The following GFRAL variants were observed in gnomAD, a reference collection of about 807,000 sequenced individuals.
GFRAL encodes GDNF family receptor alpha-like.
GFRAL carries 36 observed loss-of-function variants against 45.4 expected under a neutral mutation model. That is an observed-to-expected ratio of 0.79 (90% CI 0.61 to 1.05). GFRAL has a LOEUF of 1.05. GFRAL is among the 50% of genes least tolerant of loss of function. The pLI is 0.00. For missense variants in GFRAL, 507 were observed against 467.5 expected, an observed-to-expected ratio of 1.08 and a Z score of -0.78; for synonymous variants, 166 against 154.1, an observed-to-expected ratio of 1.08 and a Z score of -0.57.
chr6:55,340,570 G>A (rs1160806844), intron 3 of GFRAL, among the ~76,000 whole-genome samples: 1 of 152,182 alleles, frequency 6.6e-6, no homozygotes, highest in Non-Finnish European at 1.5e-5. Flanking sequence ...AATAGGAACA[G>A]CTCCAGTCTA....
Position 55,358,928 on chromosome 6 carries a change from G to A in GFRAL, c.742G>A (p.Val248Met). ...ATTTCAGTCAAAATGCTGGCAGCGT[G>A]TGACTAGAAAGTGCCATGAAGATGA... ...RTFQSKCWQR[V>M]TRKCHEDENC... Residue 248 changes from valine to methionine, a missense_variant, in exon 6 of 9, where the codon GTG becomes ATG. Transcript: ENST00000340465. The A allele has an allele frequency of 6.2e-7, 1 of 1,612,546 alleles. No homozygotes were observed. Among genetic ancestry groups the A allele is most frequent in the Non-Finnish European group, 8.5e-7 (1 of 1,178,942 alleles).
chr6:55,387,298 T>C (rs529874459), intron 6 of GFRAL, among the ~76,000 whole-genome samples: 5 of 152,340 alleles, frequency 3.3e-5, no homozygotes, highest in East Asian at 1.9e-4. Flanking sequence ...TATATTTTCA[T>C]TGGCTTCATA....
intron 6 of GFRAL, among the ~76,000 whole-genome samples, chr6:55,389,640 A>G (rs1768723099): frequency 6.6e-6 from 1 of 152,190 alleles, no homozygotes; most frequent in Non-Finnish European, 1.5e-5. Context: ...AAACAAAAGT[A>G]CAAATTTTAG....
At chr6:55,362,109 G>T (rs1768283564) in intron 6 of GFRAL, among the ~76,000 whole-genome samples, 1 of 151,678 alleles carries the variant, frequency 6.6e-6, no homozygotes, top group South Asian at 2.1e-4. Context: ...CTAACATGTT[G>T]TTCACTGAAG....
intron 6 of GFRAL, among the ~76,000 whole-genome samples, chr6:55,391,255 C>T (rs557933539): frequency 2.6e-5 from 4 of 152,200 alleles, no homozygotes; most frequent in South Asian, 2.1e-4. Flanking sequence ...TAAAACATCA[C>T]GTCACCTTAA....
chr6:55,347,151 G>T (rs1054789819), intron 3 of GFRAL, among the ~76,000 whole-genome samples: 1 of 152,066 alleles, frequency 6.6e-6, no homozygotes, highest in African/African-American at 2.4e-5. Context: ...AGTGATATAG[G>T]CTGGAAAGAG....
chr6:55,357,869 A>T (rs2127356937), intron 5 of GFRAL, among the ~76,000 whole-genome samples: 1 of 151,884 alleles, frequency 6.6e-6, no homozygotes, highest in African/African-American at 2.4e-5. Context: ...GTAGGTACAG[A>T]TGTAGTCTCT....
rs1768241041 is a variant in GFRAL at position 55,359,209 on chromosome 6, T to G, written c.952+71T>G. 3.0e-6 allele frequency: 4 copies of G among 1,318,410 alleles called. No homozygotes were observed. The South Asian group carries it at 5.6e-5, about 18-fold the overall frequency. 81.7% of individuals were successfully genotyped at this position (1,318,410 alleles called of 1,614,324 possible). A position where few individuals can be genotyped will look rare whatever the true frequency, so the allele number is the denominator to read the frequency against. On this transcript the variant is annotated intron_variant, in intron 6 of 8. Transcript: ENST00000340465. Reference sequence around the variant, plus strand: ...ATCATCTATCTATCTATCTATTTTGTTTTTGCCTATACAGTAAAAGAGGTA... The same window carrying G: ...ATCATCTATCTATCTATCTATTTTGGTTTTGCCTATACAGTAAAAGAGGTA...
chr6:55,333,921 G>A lies in GFRAL; in HGVS notation c.293G>A (p.Gly98Glu). 6.5e-7 allele frequency: 1 copy of A among 1,544,680 alleles called. No homozygotes were observed. Among genetic ancestry groups the A allele is most frequent in the South Asian group, 1.3e-5 (1 of 79,710 alleles). The change falls in exon 3 of 9, where the codon GGA (glycine) becomes GAA (glutamate). Residue 98 changes from glycine (G) to glutamate (E), a missense_variant. Transcript: ENST00000340465. ...TATTGTACTGTGAACAAACTGCTTG[G>A]AAAAAAATGTATCAATAAATCAGGT... Reference protein sequence around the residue: ...DFYCTVNKLLGKKCINKSDNV... With the variant: ...DFYCTVNKLLEKKCINKSDNV...
At chr6:55,398,100 C>T (rs1037191993) in intron 6 of GFRAL, among the ~76,000 whole-genome samples, 5 of 152,242 alleles carry the variant, frequency 3.3e-5, no homozygotes, top group African/African-American at 1.2e-4. Flanking sequence ...AGCACAAAAT[C>T]GACTAAGCAT....
intron 1 of GFRAL, among the ~76,000 whole-genome samples, chr6:55,330,227 A>G (rs1357095093): frequency 1.3e-5 from 2 of 152,166 alleles, no homozygotes; most frequent in Non-Finnish European, 2.9e-5. Flanking sequence ...AGTTATTTAT[A>G]TATCTTATAT....
chr6:55,335,503 C>T (rs958081278), intron 3 of GFRAL, among the ~76,000 whole-genome samples: 1 of 151,940 alleles, frequency 6.6e-6, no homozygotes, highest in Non-Finnish European at 1.5e-5. Context: ...TTTGATGTTG[C>T]ATCTAATAAA....
chr6:55,347,589 G>C (rs959506675), intron 3 of GFRAL, among the ~76,000 whole-genome samples: 9 of 152,110 alleles, frequency 5.9e-5, no homozygotes, highest in African/African-American at 2.2e-4. Context: ...ATTCAAAGAA[G>C]GAGAAATGTT....
intron 5 of GFRAL, among the ~76,000 whole-genome samples, chr6:55,353,110 G>T (rs994332737): frequency 6.6e-5 from 10 of 152,082 alleles, no homozygotes; most frequent in African/African-American, 2.4e-4. Context: ...AGAAATAGGA[G>T]CGAGATAAGA....
rs781132893 is a variant in GFRAL at position 55,359,134 on chromosome 6, T to C, written c.948T>C (p.Cys316=). The change falls in exon 6 of 9, where the codon TGT becomes TGC. Residue 316 remains cysteine (C), a synonymous_variant. Transcript: ENST00000340465. ...IFQHMLHRKS[C]FNYPTLSNVK... is the part of the protein sequence containing the mutation. Reference sequence around the variant, plus strand: ...AGCACATGCTTCATAGAAAATCATGTTTCAGTAAGTTCCCCAAATAAAATT... The same window carrying C: ...AGCACATGCTTCATAGAAAATCATGCTTCAGTAAGTTCCCCAAATAAAATT... 1.2e-6 allele frequency: 2 copies of C among 1,605,548 alleles called. No homozygotes were observed. Among genetic ancestry groups the C allele is most frequent in the Admixed American group, 3.4e-5 (2 of 59,524 alleles).
At chr6:55,328,702 T>G (rs898657822) in intron 1 of GFRAL, among the ~76,000 whole-genome samples, 1 of 152,000 alleles carries the variant, frequency 6.6e-6, no homozygotes, top group Non-Finnish European at 1.5e-5. Flanking sequence ...CAAAATACAT[T>G]ACAGACTCAT....
chr6:55,385,204 A>G (rs893049792), intron 6 of GFRAL, among the ~76,000 whole-genome samples: 1 of 152,106 alleles, frequency 6.6e-6, no homozygotes, highest in African/African-American at 2.4e-5. Context: ...TAATTATCCC[A>G]TTTGACCAGC....
intron 2 of GFRAL, among the ~76,000 whole-genome samples, chr6:55,332,185 A>C (rs1046356812): frequency 1.3e-5 from 2 of 152,130 alleles, no homozygotes; most frequent in African/African-American, 2.4e-5. Context: ...TTGATTACAT[A>C]TGTCAATGAT....
At position 55,351,131 on chromosome 6, in the gene GFRAL, C is replaced by CA. The variant is rs1768110316; in HGVS notation, c.371-117dup. 8.4e-6 allele frequency: 6 copies of CA among 712,932 alleles called. No homozygotes were observed. In the East Asian group the frequency reaches 1.5e-4, roughly 18 times the overall value. 44.2% of individuals were successfully genotyped at this position (712,932 alleles called of 1,614,324 possible). On this transcript the variant is annotated intron_variant, in intron 4 of 8. Coordinates refer to ENST00000340465, the MANE Select transcript of GFRAL (RefSeq NM_207410.2). ...TTACTCTAAAAGATGTAATGTTTGC[C>CA]AAAAATAGGACATTGGTACATCATT...
Sources: allele counts gnomAD v4.1 joint callset (sites outside exome capture counted in the v4.1 genomes callset), GRCh38; gene constraint gnomAD v4.1.1; transcripts MANE v1.5; gene names NCBI Gene and HGNC (gene_info 2026-07-23, HGNC 2026-07-21).